BRF1: variants seen among roughly 807,000 people sequenced by gnomAD.
BRF1 encodes the protein BRF1 general transcription factor IIIB subunit.
BRF1 carries 59 observed loss-of-function variants against 81.7 expected under a neutral mutation model. That is an observed-to-expected ratio of 0.72 (90% confidence interval 0.59 to 0.90). The LOEUF is 0.90. Ranked by LOEUF, BRF1 falls within the 40% of genes least tolerant of loss-of-function variation. The probability of loss-of-function intolerance (pLI) is 0.00; values close to 1 mark genes in which losing one functional copy is unlikely to be tolerated. For missense variants in BRF1, 1,050 were observed against 936.3 expected (o/e 1.12, Z -1.58); for synonymous variants, 491 against 395.6 (o/e 1.24, Z -2.86).
chr14:105,228,543 C>CAA lies in BRF1; in HGVS notation c.788+275_788+276dup, dbSNP rs369640753. Among the ~76,000 whole-genome samples, 1,142 of 135,230 alleles carry CAA rather than the reference C, an allele frequency of 8.4e-3. 51 individuals carry two copies. The highest frequency in any genetic ancestry group is 0.076 in the Admixed American group (1,034 of 13,524). The allele number at this position is 135,230 out of a possible 152,430, so 88.7% of individuals were successfully genotyped here. On this transcript the variant is annotated intron_variant, in intron 7 of 17. Transcript: ENST00000547530. ...TAAGCGACAGAGCAAGGCTGTTCCT[C>CAA]AAAAAAAAAAAAAAAATACAGGGAT... is the stretch of plus-strand genomic sequence containing the variant.
At chr14:105,258,217 G>A (rs936591995) in intron 3 of BRF1, among the ~76,000 whole-genome samples, 5 of 152,298 alleles carry the variant, frequency 3.3e-5, no homozygotes, top group East Asian at 1.9e-4. Flanking sequence ...GGCTGGACGC[G>A]GTGACTCACG....
chr14:105,310,233 G>C (rs1370847078), intron 1 of BRF1, among the ~76,000 whole-genome samples: 1 of 151,632 alleles, frequency 6.6e-6, no homozygotes, highest in Non-Finnish European at 1.5e-5. Context: ...TTGATATTAA[G>C]AATGTTACCC....
chr14:105,297,852 C>T (rs1165153383), intron 1 of BRF1, among the ~76,000 whole-genome samples: 1 of 151,636 alleles, frequency 6.6e-6, no homozygotes, highest in Non-Finnish European at 1.5e-5. Flanking sequence ...AAAAATTAGC[C>T]GGGCGTGGTG....
At position 105,240,999 on chromosome 14, in the gene BRF1, C is replaced by G. The variant is rs587733036; in HGVS notation, c.694+266G>C. On this transcript the variant is annotated intron_variant, in intron 6 of 17. Coordinates refer to ENST00000547530, the MANE Select transcript of BRF1 (RefSeq NM_001519.4). The stretch of plus-strand genomic sequence containing the variant: ...GCAGGGATGCCCATGCAGCCGCACC[C>G]CAGAAGTAGGCAACCTGGGGTCAAG... Among the ~76,000 whole-genome samples the G allele has an allele frequency of 6.6e-5, 10 of 152,336 alleles. No homozygotes were observed. In the East Asian group the frequency reaches 1.3e-3, roughly 21 times the overall value.
At chr14:105,283,738 T>A (rs2057207255) in intron 2 of BRF1, among the ~76,000 whole-genome samples, 1 of 152,232 alleles carries the variant, frequency 6.6e-6, no homozygotes, top group African/African-American at 2.4e-5. Flanking sequence ...CCAACTCTAG[T>A]AAAGATACCG....
At chr14:105,268,582 T>C (rs587758879) in intron 3 of BRF1, among the ~76,000 whole-genome samples, 1 of 152,328 alleles carries the variant, frequency 6.6e-6, no homozygotes, top group East Asian at 1.9e-4. Flanking sequence ...AGGAATAAGC[T>C]TGGATGTTCT....
Position 105,253,686 on chromosome 14 carries a change from G to A in BRF1, c.472-1107C>T, listed in dbSNP as rs587617772. On this transcript the variant is annotated intron_variant, in intron 4 of 17. Coordinates refer to ENST00000547530, the MANE Select transcript of BRF1 (RefSeq NM_001519.4). The stretch of plus-strand genomic sequence containing the variant: ...ATCAGGGACCCTGCCCGCTGGGAGG[G>A]CTGGGCCCCCACAGCAGCTCCTCCT... 3.3e-5 allele frequency among the ~76,000 whole-genome samples: 5 copies of A among 152,336 alleles called. No homozygotes were observed. In the South Asian group the frequency reaches 1.0e-3, roughly 32 times the overall value.
intron 3 of BRF1, among the ~76,000 whole-genome samples, chr14:105,261,886 G>A (rs1259175063): frequency 6.6e-6 from 1 of 152,352 alleles, no homozygotes; most frequent in South Asian, 2.1e-4. Context: ...GCCCAGCACT[G>A]CACCGGCCCA....
chr14:105,228,570 G>A (rs2054188670), intron 7 of BRF1, among the ~76,000 whole-genome samples: 1 of 151,658 alleles, frequency 6.6e-6, no homozygotes, highest in Non-Finnish European at 1.5e-5. Context: ...TACAGGGATC[G>A]GAGGAGGAGG....
chr14:105,211,296 G>C lies in BRF1; in HGVS notation c.1825-3C>G. On this transcript the variant is annotated splice_region_variant and splice_polypyrimidine_tract_variant and intron_variant, in intron 16 of 17. Transcript: ENST00000547530. Reference sequence around the variant, plus strand: ...GTGGGAGAGCTTGGGAGCAAAGCCTGGAACGAAGTGGGGCTCTGACACACA... The same window carrying C: ...GTGGGAGAGCTTGGGAGCAAAGCCTCGAACGAAGTGGGGCTCTGACACACA... 1 of 1,588,362 alleles carries C rather than the reference G, an allele frequency of 6.3e-7. No individual in the cohort carries two copies. Among genetic ancestry groups the C allele is most frequent in the Non-Finnish European group, 8.6e-7 (1 of 1,167,084 alleles).
intron 15 of BRF1, among the ~76,000 whole-genome samples, chr14:105,216,226 A>C (rs1268957953): frequency 2.6e-5 from 4 of 152,224 alleles, no homozygotes; most frequent in African/African-American, 9.6e-5. Flanking sequence ...GATGTGACAG[A>C]GGGGGCTGTG....
At chr14:105,289,052 A>AG (rs2057421073) in intron 1 of BRF1, among the ~76,000 whole-genome samples, 1 of 151,322 alleles carries the variant, frequency 6.6e-6, no homozygotes, top group African/African-American at 2.4e-5. Context: ...AAAAAAAAAA[A>AG]GAAGCTAGAA....
rs1454226368 is a variant in BRF1 at position 105,217,595 on chromosome 14, C to G, written c.1721G>C (p.Arg574Thr). 3.7e-6 allele frequency: 6 copies of G among 1,613,380 alleles called. No individual in the cohort carries two copies. Among genetic ancestry groups the G allele is most frequent in the Non-Finnish European group, 5.1e-6 (6 of 1,180,010 alleles). ...SASARKLSRRRTPASRSGADP... is the reference protein window; with the variant it reads ...SASARKLSRRTTPASRSGADP... ...AGCCCCACTTCTGCTGGCCGGCGTC[C>G]TCCTTCGTGACAGCTTCCTGGCACT... The change falls in exon 15 of 18, where the codon AGG (arginine) becomes ACG (threonine). Residue 574 changes from arginine (R) to threonine (T), a missense_variant. This residue lies in a region of BRF1 where 1,043 missense variants were observed against 915.4 expected (regional missense o/e 1.14). Transcript: ENST00000547530.
chr14:105,260,085 G>A (rs587771797), intron 3 of BRF1, among the ~76,000 whole-genome samples: 2 of 152,304 alleles, frequency 1.3e-5, no homozygotes, highest in South Asian at 2.1e-4. Context: ...CCTGCTCTGG[G>A]CTGACGGGTG....
At chr14:105,258,093 A>G (rs1328174786) in intron 3 of BRF1, among the ~76,000 whole-genome samples, 1 of 152,272 alleles carries the variant, frequency 6.6e-6, no homozygotes, top group African/African-American at 2.4e-5. Flanking sequence ...ACCAGCTAAC[A>G]CAAGATGTTA....
intron 14 of BRF1, among the ~76,000 whole-genome samples, 197 bp downstream of exon 14, chr14:105,218,801 C>T (rs748129191): frequency 6.6e-6 from 1 of 152,240 alleles, no homozygotes; most frequent in South Asian, 2.1e-4. Flanking sequence ...AGGCCGACGG[C>T]TGGGCGCCTG....
chr14:105,226,734 GT>G lies in BRF1; in HGVS notation c.814del (p.Thr272ProfsTer4). 1 of 1,613,730 alleles carries G rather than the reference GT, an allele frequency of 6.2e-7. No individual in the cohort carries two copies. The highest frequency in any genetic ancestry group is 8.5e-7 in the Non-Finnish European group (1 of 1,180,024). On this transcript the variant is annotated frameshift_variant, in exon 8 of 18. Coordinates refer to ENST00000547530, the MANE Select transcript of BRF1 (RefSeq NM_001519.4). LOFTEE classifies it high-confidence loss of function. ...GAACTCATCAATGGTCAACTGACTG[GT>G]GGGGGTGTCTTCAAATTCCGTGAGC... is the stretch of plus-strand genomic sequence containing the variant. The part of the protein sequence containing the change: ...KRLTEFEDTP[T>X]SQLTIDEFMK...
chr14:105,265,062 TTTGTTTGTTTG>T (rs1451091299), intron 3 of BRF1, among the ~76,000 whole-genome samples: 1 of 143,028 alleles, frequency 7.0e-6, no homozygotes, highest in African/African-American at 2.8e-5. Context: ...TTGTTTTTTT[TTTGTTTGTTTG>T]TTTTTTTAGA....
At chr14:105,282,338 T>C (rs932530323) in intron 2 of BRF1, among the ~76,000 whole-genome samples, 13 of 152,212 alleles carry the variant, frequency 8.5e-5, no homozygotes, top group Admixed American at 2.6e-4. Context: ...AACATGACTG[T>C]CGCTGCGGGC....
Sources: gnomAD v4.1 joint callset for allele counts (sites outside exome capture counted in the v4.1 genomes callset) on GRCh38, gnomAD v4.1.1 for gene constraint, gnomAD v4.1.1 regional missense constraint, MANE v1.5 for transcripts, NCBI Gene and HGNC (gene_info 2026-07-23, HGNC 2026-07-21) for gene names.